Variants in ZNF569 observed in about 807,000 individuals in gnomAD.
ZNF569 encodes the protein DNA-binding protein.
Under a neutral mutation model 56.3 loss-of-function variants are expected in ZNF569, and 38 were observed. The observed-to-expected ratio is 0.68, with a 90% CI of 0.52 to 0.88. The LOEUF is 0.88. Among genes scored for constraint, ZNF569 ranks in the 40% least tolerant of loss-of-function variants. The probability of loss-of-function intolerance (pLI) is 0.00; values close to 1 mark genes in which losing one functional copy is unlikely to be tolerated. For synonymous variants in ZNF569, 241 were observed against 262.9 expected (o/e 0.92, Z 0.81); for missense variants, 666 against 809.2 (o/e 0.82, Z 2.15).
At chr19:37,447,203 A>C (rs757056380) in intron 2 of ZNF569, among the ~76,000 whole-genome samples, 15 of 152,222 alleles carry the variant, frequency 9.9e-5, no homozygotes, top group Non-Finnish European at 1.8e-4. Flanking sequence ...AAAGAACTAA[A>C]AGTATATCTG....
chr19:37,461,456 G>A (rs1048618617), intron 2 of ZNF569, among the ~76,000 whole-genome samples: 1 of 151,864 alleles, frequency 6.6e-6, no homozygotes, highest in Non-Finnish European at 1.5e-5. Flanking sequence ...ACAGGTGTGC[G>A]CCATCATGCC....
intron 2 of ZNF569, among the ~76,000 whole-genome samples, chr19:37,452,132 T>C (rs943122808): frequency 3.1e-4 from 47 of 149,220 alleles, no homozygotes; most frequent in African/African-American, 1.1e-3. Context: ...ACATAAAATA[T>C]AGATGTAACA....
chr19:37,434,696 CTGACG>C (rs2041281076), intron 3 of ZNF569, among the ~76,000 whole-genome samples: 1 of 152,240 alleles, frequency 6.6e-6, no homozygotes, highest in Non-Finnish European at 1.5e-5. Context: ...ATAGCCTTAA[CTGACG>C]ACATTCCACC....
At chr19:37,436,065 A>T (rs1306381989) in intron 3 of ZNF569, among the ~76,000 whole-genome samples, 1 of 152,190 alleles carries the variant, frequency 6.6e-6, no homozygotes. Flanking sequence ...CAGCACATAG[A>T]TCACTCTCAA....
At chr19:37,451,744 T>C (rs566604390) in intron 2 of ZNF569, among the ~76,000 whole-genome samples, 1 of 152,288 alleles carries the variant, frequency 6.6e-6, no homozygotes, top group South Asian at 2.1e-4. Flanking sequence ...GACATATGTA[T>C]AGCTACCCCG....
Position 37,427,821 on chromosome 19 carries a change from G to A in ZNF569, c.16-1443C>T, listed in dbSNP as rs560937262. The A allele has an allele frequency of 1.1e-4, 58 of 517,080 alleles. No homozygotes were observed. In the East Asian group the frequency reaches 3.1e-3, roughly 27 times the overall value. 32.0% of individuals were successfully genotyped at this position (517,080 alleles called of 1,614,324 possible). A position where few individuals can be genotyped will look rare whatever the true frequency, so the allele number is the denominator to read the frequency against. On this transcript the variant is annotated intron_variant, in intron 3 of 5. Coordinates refer to ENST00000316950, the MANE Select transcript of ZNF569 (RefSeq NM_152484.3). ...TGGGAGGAAGATCCAAATAAGCCTG[G>A]ATAAAGCATTTGGTGAGGAAGTGGG... is the stretch of plus-strand genomic sequence containing the variant.
upstream of ZNF569, chr19:37,469,135 A>C: frequency 9.0e-7 from 1 of 1,105,716 alleles, no homozygotes; most frequent in Non-Finnish European, 1.1e-6. Context: ...AGCTGCAGGG[A>C]ATCCGGACTT....
At chr19:37,427,955 G>A in intron 3 of ZNF569, 1 of 245,116 alleles carries the variant, frequency 4.1e-6, no homozygotes, top group South Asian at 4.4e-5. Flanking sequence ...GACTACCTCA[G>A]CTGCAGACTT....
Position 37,413,905 on chromosome 19 carries a change from G to A in ZNF569, c.753C>T (p.Phe251=), listed in dbSNP as rs1441848409. The part of the protein sequence containing the change: ...SYKCNECGKA[F]IKMSNLIRHQ... ...GTCTAATGAGATTTGACATTTTAAT[G>A]AAAGCTTTACCACATTCATTACATT... Residue 251 remains phenylalanine (F), a synonymous_variant, in exon 6 of 6, where the codon TTC becomes TTT. Transcript: ENST00000316950. 1 of 1,613,206 alleles carries A rather than the reference G, an allele frequency of 6.2e-7. No individual in the cohort carries two copies. Among genetic ancestry groups the A allele is most frequent in the Admixed American group, 1.7e-5 (1 of 59,982 alleles).
chr19:37,446,834 G>A (rs1444233819), intron 2 of ZNF569, among the ~76,000 whole-genome samples: 1 of 152,038 alleles, frequency 6.6e-6, no homozygotes, highest in Non-Finnish European at 1.5e-5. Context: ...CACAGAATGG[G>A]AGAAAATCTT....
intron 2 of ZNF569, among the ~76,000 whole-genome samples, chr19:37,446,383 A>G (rs1049455075): frequency 6.6e-6 from 1 of 151,980 alleles, no homozygotes; most frequent in Non-Finnish European, 1.5e-5. Flanking sequence ...CCCCGTCTCT[A>G]CTAAAAATAC....
chr19:37,466,340 A>G (rs1214028567), intron 1 of ZNF569, among the ~76,000 whole-genome samples: 3 of 152,198 alleles, frequency 2.0e-5, no homozygotes, highest in Non-Finnish European at 4.4e-5. Flanking sequence ...ATATAAAAAC[A>G]TATTTCCGGC....
chr19:37,453,357 CTG>C (rs2041624514), intron 2 of ZNF569, among the ~76,000 whole-genome samples: 2 of 152,118 alleles, frequency 1.3e-5, no homozygotes, highest in Admixed American at 1.3e-4. Context: ...CAGAATTTGT[CTG>C]TGAATTGTTG....
chr19:37,454,689 T>C (rs2041645508), intron 2 of ZNF569: 1 of 590,596 alleles, frequency 1.7e-6, no homozygotes, highest in Non-Finnish European at 3.0e-6. Flanking sequence ...TGAGTGCCTG[T>C]TGGGATTCCC....
At position 37,426,322 on chromosome 19, in the gene ZNF569, T is replaced by A; in HGVS notation, c.72A>T (p.Arg24Ser). The change falls in exon 4 of 6, where the codon AGA becomes AGT. Residue 24 changes from arginine to serine, a missense_variant. Physicochemically the swap from Arg to Ser is moderately radical, Grantham distance 110 (BLOSUM62 -1). Transcript: ENST00000316950. ...AIDFTQEEWK[R>S]LDPAQRKLYR... ...ACAGTTTTCTCTGAGCAGGATCCAA[T>A]CTCTTCCACTCCTCCTGAGTGAAGT... is the stretch of plus-strand genomic sequence containing the variant. The A allele has an allele frequency of 7.4e-6, 12 of 1,613,760 alleles. No homozygotes were observed. The highest frequency in any genetic ancestry group is 1.0e-5 in the Non-Finnish European group (12 of 1,179,866).
chr19:37,450,809 T>G (rs551586883), intron 2 of ZNF569, among the ~76,000 whole-genome samples: 2 of 152,282 alleles, frequency 1.3e-5, no homozygotes, highest in African/African-American at 4.8e-5. Flanking sequence ...ACTTATAAGT[T>G]TTGGTATGTT....
intron 3 of ZNF569, 79 bp downstream of exon 3, chr19:37,444,828 T>C: frequency 8.8e-7 from 1 of 1,130,690 alleles, no homozygotes; most frequent in Non-Finnish European, 1.3e-6. Flanking sequence ...CCTTTATAAT[T>C]TACTGTATGA....
At chr19:37,426,011 A>G (rs2041125815) in intron 4 of ZNF569, 48 bp from the exon 5 acceptor site, 1 of 1,588,768 alleles carries the variant, frequency 6.3e-7, no homozygotes, top group African/African-American at 1.3e-5. Context: ...CTAGGAACAA[A>G]GAACCACCCA....
At chr19:37,428,333 A>C (rs2041168627) in intron 3 of ZNF569, among the ~76,000 whole-genome samples, 1 of 151,246 alleles carries the variant, frequency 6.6e-6, no homozygotes, top group African/African-American at 2.5e-5. Context: ...GCAAAACCTC[A>C]TCTCTACAAT....
Sources: gnomAD v4.1 joint callset for allele counts (sites outside exome capture counted in the v4.1 genomes callset) on GRCh38, gnomAD v4.1.1 for gene constraint, MANE v1.5 for transcripts, NCBI Gene and HGNC (gene_info 2026-07-23, HGNC 2026-07-21) for gene names.